RBKS: variants seen among roughly 807,000 people sequenced by gnomAD.
RBKS encodes ribokinase.
A neutral mutation model predicts 33.9 loss-of-function variants in RBKS; 33 were observed. The ratio of observed to expected loss-of-function variants is 0.97; its 90% CI spans 0.74 to 1.30. The LOEUF is 1.30. RBKS is among the 50% of genes most tolerant of loss of function. The probability of loss-of-function intolerance (pLI) is 0.00; values close to 1 mark genes in which losing one functional copy is unlikely to be tolerated. For synonymous variants in RBKS, 125 were observed against 143.0 expected, an observed-to-expected ratio of 0.87 and a Z score of 0.90; for missense variants, 361 against 392.6, an observed-to-expected ratio of 0.92 and a Z score of 0.68.
chr2:27,812,789 T>C (rs1384128125), intron 7 of RBKS, among the ~76,000 whole-genome samples: 1 of 151,904 alleles, frequency 6.6e-6, no homozygotes, highest in Non-Finnish European at 1.5e-5. Flanking sequence ...CACACCAACA[T>C]GGCACATGTA....
chr2:27,875,638 G>C (rs182021984), intron 1 of RBKS, among the ~76,000 whole-genome samples: 1 of 152,286 alleles, frequency 6.6e-6, no homozygotes, highest in African/African-American at 2.4e-5. Context: ...AAACAGACAT[G>C]AGTCCAAAAG....
Position 27,858,477 on chromosome 2 carries a change from C to T in RBKS, c.184G>A (p.Ala62Thr), listed in dbSNP as rs147662293. The T allele has an allele frequency of 4.5e-5, 73 of 1,614,106 alleles. No homozygotes were observed. The South Asian group carries it at 6.6e-4, about 15-fold the overall frequency. Residue 62 changes from alanine to threonine, a missense_variant, in exon 2 of 8, where the codon GCT becomes ACT. By Grantham distance (58) the Ala-to-Thr change is moderately conservative (BLOSUM62 0). Coordinates refer to ENST00000302188, the MANE Select transcript of RBKS (RefSeq NM_022128.3). The stretch of plus-strand genomic sequence containing the variant: ...GACGTCATTGCTCCAAGCCGAGCAG[C>T]TTGGACACACTGGTTGGCACCTTTC... ...GGKGANQCVQAARLGAMTSMV... is the reference protein window; with the variant it reads ...GGKGANQCVQTARLGAMTSMV...
At position 27,792,835 on chromosome 2, in the gene RBKS, C is replaced by G. The variant is rs190307022; in HGVS notation, c.796-11047G>C. Among the ~76,000 whole-genome samples, 70 of 152,276 alleles carry G rather than the reference C, an allele frequency of 4.6e-4. 1 individual carries two copies. The highest frequency in any genetic ancestry group is 1.7e-3 in the African/African-American group (69 of 41,558). ...AAAACCCTTTGCTGTCTTTAAGGCC[C>G]TGCTCCTTTATGATATCTTCCCAGA... On this transcript the variant is annotated intron_variant, in intron 7 of 7. Coordinates refer to ENST00000302188, the MANE Select transcript of RBKS (RefSeq NM_022128.3).
At chr2:27,835,480 G>A (rs1418817278) in intron 5 of RBKS, among the ~76,000 whole-genome samples, 15 of 141,144 alleles carry the variant, frequency 1.1e-4, no homozygotes, top group African/African-American at 2.9e-4. Flanking sequence ...GTATAGTGGC[G>A]CAATCTTGGC....
At chr2:27,796,824 C>G (rs903198516) in intron 7 of RBKS, among the ~76,000 whole-genome samples, 1 of 152,082 alleles carries the variant, frequency 6.6e-6, no homozygotes, top group Non-Finnish European at 1.5e-5. Context: ...TGCTAGGGCT[C>G]GAGGCAATGT....
chr2:27,834,622 T>C (rs940407764), intron 5 of RBKS, among the ~76,000 whole-genome samples: 7 of 152,198 alleles, frequency 4.6e-5, no homozygotes, highest in African/African-American at 1.4e-4. Context: ...AAGGCTCTCA[T>C]TGTCCAGTAT....
At chr2:27,843,963 A>G (rs1663565988) in intron 4 of RBKS, among the ~76,000 whole-genome samples, 1 of 152,132 alleles carries the variant, frequency 6.6e-6, no homozygotes, top group African/African-American at 2.4e-5. Context: ...GAACATTTGA[A>G]ATGTGGCTAG....
At chr2:27,792,905 T>C (rs1677566198) in intron 7 of RBKS, among the ~76,000 whole-genome samples, 1 of 152,220 alleles carries the variant, frequency 6.6e-6, no homozygotes, top group Non-Finnish European at 1.5e-5. Flanking sequence ...CAACAACCTA[T>C]GTGCTTAACC....
At chr2:27,861,637 G>A (rs1423023793) in intron 1 of RBKS, 1 of 458,868 alleles carries the variant, frequency 2.2e-6, no homozygotes, top group Non-Finnish European at 4.5e-6. Flanking sequence ...CACGGAATAA[G>A]GAGATTAGTA....
chr2:27,861,886 C>G (rs917938351), intron 1 of RBKS, among the ~76,000 whole-genome samples: 2 of 151,458 alleles, frequency 1.3e-5, no homozygotes, highest in African/African-American at 4.9e-5. Flanking sequence ...AACTCCTGAT[C>G]CCCCTGCTTC....
At chr2:27,786,554 A>G (rs956341551) in intron 7 of RBKS, among the ~76,000 whole-genome samples, 2 of 152,298 alleles carry the variant, frequency 1.3e-5, no homozygotes, top group East Asian at 3.9e-4. Flanking sequence ...AGGCCGAGGC[A>G]GGTACATCAT....
intron 2 of RBKS, among the ~76,000 whole-genome samples, chr2:27,857,031 C>G (rs1365706240): frequency 6.6e-6 from 1 of 152,098 alleles, no homozygotes. Context: ...ATGTTTTTGA[C>G]CAAATAGCCA....
chr2:27,827,886 A>G (rs532521289), intron 6 of RBKS, 131 bp from the exon 7 acceptor site: 12 of 683,700 alleles, frequency 1.8e-5, no homozygotes, highest in Non-Finnish European at 2.3e-5. Flanking sequence ...CTTGATAGAT[A>G]CTGGTACAGG....
chr2:27,829,363 GTTTTTTTTTT>G (rs35216618), intron 6 of RBKS, among the ~76,000 whole-genome samples: 2 of 107,382 alleles, frequency 1.9e-5, no homozygotes, highest in Admixed American at 9.8e-5. Context: ...GCTTTTCAGT[GTTTTTTTTTT>G]TTTTTTTTTT....
intron 1 of RBKS, among the ~76,000 whole-genome samples, chr2:27,859,403 A>ATT (rs1190700227): frequency 6.6e-6 from 1 of 152,204 alleles, no homozygotes; most frequent in Admixed American, 6.5e-5. Context: ...AGAGGTAAGA[A>ATT]TTTTTACCAT....
intron 7 of RBKS, among the ~76,000 whole-genome samples, chr2:27,818,787 GATCAGCC>G (rs954875624): frequency 1.1e-4 from 17 of 152,162 alleles, no homozygotes; most frequent in African/African-American, 4.1e-4. Flanking sequence ...GTGCCTCAGA[GATCAGCC>G]ACACCAGACA....
chr2:27,850,127 A>G (rs1663709382), intron 2 of RBKS, among the ~76,000 whole-genome samples: 1 of 152,164 alleles, frequency 6.6e-6, no homozygotes, highest in South Asian at 2.1e-4. Flanking sequence ...TGACTGCTAG[A>G]TATGTTTTGT....
intron 1 of RBKS, among the ~76,000 whole-genome samples, chr2:27,887,523 T>C (rs1413228323): frequency 6.6e-6 from 1 of 152,090 alleles, no homozygotes. Flanking sequence ...AGATGCAGGG[T>C]TTTAAATGAA....
At position 27,839,754 on chromosome 2, in the gene RBKS, T is replaced by C. The variant is rs76204425; in HGVS notation, c.514+3313A>G. 3.9e-3 allele frequency among the ~76,000 whole-genome samples: 591 copies of C among 152,244 alleles called. 7 individuals carry two copies. The highest frequency in any genetic ancestry group is 0.013 in the African/African-American group (555 of 41,564). On this transcript the variant is annotated intron_variant, in intron 5 of 7. Transcript: ENST00000302188. ...AGACGGAATAATGCTGTTCAGCACA[T>C]AGGCAGCTTCCTGGGGCAGTGGGTA...
Sources: allele counts gnomAD v4.1 joint callset (sites outside exome capture counted in the v4.1 genomes callset), GRCh38; gene constraint gnomAD v4.1.1; transcripts MANE v1.5; gene names NCBI Gene and HGNC (gene_info 2026-07-23, HGNC 2026-07-21).